The following C4orf51 variants were observed in gnomAD, a reference collection of about 807,000 sequenced individuals.
The protein encoded by C4orf51 is uncharacterized protein C4orf51.
A neutral mutation model predicts 25.2 loss-of-function variants in C4orf51; 25 were observed. The ratio of observed to expected loss-of-function variants is 0.99; its 90% confidence interval spans 0.72 to 1.39. The LOEUF (loss-of-function observed/expected upper bound fraction) is 1.39. Among genes scored for constraint, C4orf51 ranks in the 40% most tolerant of loss-of-function variants. The probability of loss-of-function intolerance (pLI) is 0.00; values close to 1 mark genes in which losing one functional copy is unlikely to be tolerated. For synonymous variants in C4orf51, 100 were observed against 84.5 expected (o/e 1.18, Z -1.01); for missense variants, 252 against 239.6 (o/e 1.05, Z -0.34).
intron 2 of C4orf51, among the ~76,000 whole-genome samples, chr4:145,723,687 T>C (rs1036315906): frequency 3.3e-5 from 5 of 152,242 alleles, no homozygotes; most frequent in Non-Finnish European, 5.9e-5. Context: ...TACAAAGATA[T>C]TTAGTTTTAT....
chr4:145,712,709 G>A (rs1013103843), intron 2 of C4orf51, among the ~76,000 whole-genome samples: 1 of 152,226 alleles, frequency 6.6e-6, no homozygotes, highest in Non-Finnish European at 1.5e-5. Context: ...AGAAGACATA[G>A]CTAAGGTAAT....
chr4:145,726,051 G>A (rs1578995712), intron 2 of C4orf51, among the ~76,000 whole-genome samples: 2 of 152,332 alleles, frequency 1.3e-5, no homozygotes, highest in South Asian at 2.1e-4. Flanking sequence ...TGTAAGTTGT[G>A]TATCATAGGA....
intron 1 of C4orf51, among the ~76,000 whole-genome samples, chr4:145,692,771 G>A (rs959192656): frequency 6.6e-6 from 1 of 152,086 alleles, no homozygotes; most frequent in African/African-American, 2.4e-5. Context: ...ACTACCATGT[G>A]TTGAACTCTA....
intron 2 of C4orf51, among the ~76,000 whole-genome samples, chr4:145,708,130 A>G (rs889399589): frequency 2.0e-5 from 3 of 152,212 alleles, no homozygotes; most frequent in African/African-American, 7.2e-5. Flanking sequence ...GGAGGGGGCT[A>G]GTGGGCTCGC....
chr4:145,727,040 AT>A (rs1732102110), intron 3 of C4orf51, 71 bp downstream of exon 3: 1 of 1,240,090 alleles, frequency 8.1e-7, no homozygotes. Context: ...CATATTATTC[AT>A]TAAAAAAACA....
At chr4:145,716,823 C>T (rs1731442726) in intron 2 of C4orf51, among the ~76,000 whole-genome samples, 1 of 152,168 alleles carries the variant, frequency 6.6e-6, no homozygotes, top group East Asian at 1.9e-4. Flanking sequence ...AAGCATAGTA[C>T]ATCTGAGGAG....
rs1422244055 is a variant in C4orf51 at position 145,727,908 on chromosome 4, T to C, written c.366+939T>C. ...CAAAAAAAATGTGTATATATATATA[T>C]ATATATATATATATAAAATATATTA... is the stretch of plus-strand genomic sequence containing the variant. On this transcript the variant is annotated intron_variant, in intron 3 of 5. Coordinates refer to ENST00000438731, the MANE Select transcript of C4orf51 (RefSeq NM_001080531.3). 3.3e-3 allele frequency among the ~76,000 whole-genome samples: 358 copies of C among 107,990 alleles called. 5 individuals are homozygous for C. The highest frequency in any genetic ancestry group is 0.014 in the African/African-American group (327 of 23,264). 70.8% of individuals were successfully genotyped at this position (107,990 alleles called of 152,430 possible).
At chr4:145,729,523 G>T (rs570085617) in intron 4 of C4orf51, among the ~76,000 whole-genome samples, 1 of 152,000 alleles carries the variant, frequency 6.6e-6, no homozygotes, top group East Asian at 1.9e-4. Flanking sequence ...GGATGGTCTC[G>T]ATCTTCCGAC....
chr4:145,719,233 G>A (rs529411471), intron 2 of C4orf51, among the ~76,000 whole-genome samples: 7 of 152,158 alleles, frequency 4.6e-5, no homozygotes, highest in African/African-American at 1.7e-4. Flanking sequence ...CTTCTTTATA[G>A]GGGCAGGTCT....
Position 145,760,963 on chromosome 4 carries a change from C to T in C4orf51, n.167-10025C>T, listed in dbSNP as rs1171804763. 17 of 1,238,444 alleles carry T rather than the reference C, an allele frequency of 1.4e-5. 1 individual carries two copies. The highest frequency in any genetic ancestry group is 4.2e-5 in the South Asian group (3 of 72,228). The allele number at this position is 1,238,444 out of a possible 1,614,324, so 76.7% of individuals were successfully genotyped here. On this transcript the variant is annotated intron_variant and non_coding_transcript_variant, in intron 1 of 1. Coordinates refer to the C4orf51 transcript ENST00000510096. Reference sequence around the variant, plus strand: ...ATCTGAGTTCCGGTACTTGTCAAAGCGCAAAGGGGAGCCGTTGAAGGCCAA... The same window carrying T: ...ATCTGAGTTCCGGTACTTGTCAAAGTGCAAAGGGGAGCCGTTGAAGGCCAA...
intron 4 of C4orf51, among the ~76,000 whole-genome samples, chr4:145,729,455 C>T (rs1002406626): frequency 6.6e-6 from 1 of 152,046 alleles, no homozygotes; most frequent in Non-Finnish European, 1.5e-5. Context: ...GCGCCCGCCA[C>T]CACACCCGGC....
the C4orf51 span, among the ~76,000 whole-genome samples, chr4:145,781,145 G>A: frequency 1.6e-5 from 2 of 122,572 alleles, no homozygotes; most frequent in South Asian, 2.8e-4. Flanking sequence ...GCAGTGAGCC[G>A]AGATTGTGCC....
Position 145,762,739 on chromosome 4 carries a change from C to A in C4orf51, n.167-8249C>A, listed in dbSNP as rs1186202672. Among the ~76,000 whole-genome samples, 1 of 152,128 alleles carries A rather than the reference C, an allele frequency of 6.6e-6. No homozygotes were observed. Among genetic ancestry groups the A allele is most frequent in the Non-Finnish European group, 1.5e-5 (1 of 68,028 alleles). On this transcript the variant is annotated intron_variant and non_coding_transcript_variant, in intron 1 of 1. Transcript: ENST00000510096. The surrounding 1 kb of genome is among the most constrained non-coding windows in gnomAD (Gnocchi z 4.9). ...ACGAGGAGTGGTGAGGCCATGTTAACAAACTCTGCTGAGCCTCTCTTTTAG... is the reference window on the plus strand; with the variant it reads ...ACGAGGAGTGGTGAGGCCATGTTAAAAAACTCTGCTGAGCCTCTCTTTTAG...
chr4:145,751,550 C>A lies in C4orf51; in HGVS notation n.168-2657C>A, dbSNP rs182262204. Among the ~76,000 whole-genome samples the A allele has an allele frequency of 3.3e-5, 5 of 152,316 alleles. No homozygotes were observed. The East Asian group carries it at 9.6e-4, about 29-fold the overall frequency. On this transcript the variant is annotated intron_variant and non_coding_transcript_variant, in intron 1 of 1. Coordinates refer to the C4orf51 transcript ENST00000508981. Reference sequence around the variant, plus strand: ...GGATAGAGTGACATAAGCAACCCATCGCACTACCACTGGGACTACACTGGG... The same window carrying A: ...GGATAGAGTGACATAAGCAACCCATAGCACTACCACTGGGACTACACTGGG...
chr4:145,771,964 T>C (rs933284927), downstream of C4orf51, among the ~76,000 whole-genome samples: 2 of 152,210 alleles, frequency 1.3e-5, no homozygotes, highest in Non-Finnish European at 2.9e-5. Flanking sequence ...AGGGAACAGA[T>C]GGAGGTCCAG....
In C4orf51 at chr4:145,763,184, A is replaced by G; in HGVS notation, n.167-7804A>G. On this transcript the variant is annotated intron_variant and non_coding_transcript_variant, in intron 1 of 1. Coordinates refer to the C4orf51 transcript ENST00000510096. The surrounding 1 kb of genome is among the most constrained non-coding windows in gnomAD (Gnocchi z 4.6). ...GATCTGCATTATGAACAGGATATAG[A>G]GTACAAGCAGTTCCATCACAGAAAA... is the stretch of plus-strand genomic sequence containing the variant. 1 of 1,489,130 alleles carries G rather than the reference A, an allele frequency of 6.7e-7. No homozygotes were observed. The highest frequency in any genetic ancestry group is 1.4e-5 in the African/African-American group (1 of 71,752). 92.2% of individuals were successfully genotyped at this position (1,489,130 alleles called of 1,614,324 possible).
intron 1 of C4orf51, among the ~76,000 whole-genome samples, chr4:145,751,851 C>G (rs368246498): frequency 2.1e-4 from 32 of 152,226 alleles, no homozygotes; most frequent in African/African-American, 7.2e-4. Context: ...GCTCAAGCCA[C>G]AAAACAAAGT....
At chr4:145,729,582 T>TG (rs970566987) in intron 4 of C4orf51, among the ~76,000 whole-genome samples, 1 of 152,188 alleles carries the variant, frequency 6.6e-6, no homozygotes. Context: ...ATTACAGGCG[T>TG]GAGCCACCAT....
chr4:145,774,505 C>A, downstream of C4orf51: 1 of 1,609,262 alleles, frequency 6.2e-7, no homozygotes, highest in Non-Finnish European at 8.5e-7. Flanking sequence ...GGAATGGTCA[C>A]CTGTGTGCTT....
Sources: gnomAD v4.1 joint callset for allele counts (sites outside exome capture counted in the v4.1 genomes callset) on GRCh38, gnomAD v4.1.1 for gene constraint, Gnocchi (gnomAD v3.1) non-coding constraint, MANE v1.5 for transcripts, NCBI Gene and HGNC (gene_info 2026-07-23, HGNC 2026-07-21) for gene names.